ASH1L: variants seen among roughly 807,000 people sequenced by gnomAD.
ASH1L encodes the protein histone-lysine N-methyltransferase ASH1L.
In ASH1L, 23 loss-of-function variants were observed where a neutral mutation model predicts 269.0. The ratio of observed to expected loss-of-function variants is 0.09; its 90% CI spans 0.06 to 0.12. The LOEUF is 0.12. Among genes scored for constraint, ASH1L ranks in the 10% least tolerant of loss-of-function variants. ASH1L has a pLI of 1.00. For synonymous variants in ASH1L, 1,187 were observed against 1,253.5 expected (o/e 0.95, Z 1.12); for missense variants, 2,912 against 3,567.8 (o/e 0.82, Z 4.68).
intron 4 of ASH1L, among the ~76,000 whole-genome samples, chr1:155,450,633 G>C: frequency 6.6e-6 from 1 of 152,178 alleles, no homozygotes; most frequent in East Asian, 1.9e-4. Context: ...GTGGAAAACA[G>C]TAGGACAATC....
chr1:155,352,963 AT>A, intron 16 of ASH1L, 105 bp from the exon 17 acceptor site: 1 of 1,023,048 alleles, frequency 9.8e-7, no homozygotes, highest in Non-Finnish European at 1.4e-6. Context: ...CCCTGAAGTG[AT>A]TAGGTAGATT....
intron 7 of ASH1L, among the ~76,000 whole-genome samples, chr1:155,391,053 G>A (rs1270044114): frequency 2.0e-5 from 3 of 147,384 alleles, no homozygotes; most frequent in African/African-American, 7.5e-5. Flanking sequence ...TCAAGCGATT[G>A]TCCTGCCTCA....
intron 2 of ASH1L, among the ~76,000 whole-genome samples, chr1:155,491,187 T>C (rs1369855294): frequency 6.6e-6 from 1 of 152,188 alleles, no homozygotes; most frequent in Non-Finnish European, 1.5e-5. Flanking sequence ...CTTAATATAA[T>C]ACTTCTTTCT....
At chr1:155,356,150 T>C (rs1654368764) in intron 15 of ASH1L, among the ~76,000 whole-genome samples, 1 of 151,918 alleles carries the variant, frequency 6.6e-6, no homozygotes, top group Admixed American at 6.6e-5. Flanking sequence ...TTGGCCAGGC[T>C]GGCCTCAAAC....
intron 1 of ASH1L, among the ~76,000 whole-genome samples, chr1:155,540,622 A>G (rs1419291889): frequency 2.0e-5 from 3 of 152,164 alleles, no homozygotes; most frequent in Admixed American, 1.3e-4. Flanking sequence ...TGCAAAAATT[A>G]GCTGGATATG....
At chr1:155,439,204 A>T in intron 4 of ASH1L, 136 bp from the exon 5 acceptor site, 1 of 954,490 alleles carries the variant, frequency 1.0e-6, no homozygotes, top group Non-Finnish European at 1.5e-6. Context: ...TTGATGGTTT[A>T]CTTTCCTGAA....
chr1:155,539,507 A>T (rs1344586755), intron 1 of ASH1L, among the ~76,000 whole-genome samples: 1 of 151,836 alleles, frequency 6.6e-6, no homozygotes, highest in Non-Finnish European at 1.5e-5. Context: ...CCCAGGCTGG[A>T]GAGCAGTGGC....
chr1:155,428,524 C>T (rs997554073), intron 5 of ASH1L, among the ~76,000 whole-genome samples: 1 of 151,976 alleles, frequency 6.6e-6, no homozygotes, highest in Non-Finnish European at 1.5e-5. Flanking sequence ...TGGCCATAAA[C>T]AAAATCTCTT....
chr1:155,438,339 T>C lies in ASH1L; in HGVS notation c.5816A>G (p.Glu1939Gly), dbSNP rs748103249. 1 of 1,560,274 alleles carries C rather than the reference T, an allele frequency of 6.4e-7. No individual in the cohort carries two copies. Among genetic ancestry groups the C allele is most frequent in the Non-Finnish European group, 8.6e-7 (1 of 1,158,170 alleles). ...QKPLPEEEEQ[E>G]NNKSFNEAPV... ...AATGAGGAATTACCTTTTATTATTC[T>C]CTTGCTCTTCTTCCTCTGGTAATGG... The change falls in exon 5 of 28, where the codon GAG becomes GGG. Residue 1939 changes from glutamate to glycine, a missense_variant. By Grantham distance (98) the Glu-to-Gly change is moderately conservative. Transcript: ENST00000392403.
At chr1:155,448,478 G>T (rs1571241311) in intron 4 of ASH1L, among the ~76,000 whole-genome samples, 2 of 152,016 alleles carry the variant, frequency 1.3e-5, no homozygotes, top group East Asian at 3.9e-4. Flanking sequence ...AGGCACAGGG[G>T]TGCCACACCA....
intron 21 of ASH1L, chr1:155,344,679 T>C (rs1293680375): frequency 6.2e-6 from 1 of 160,750 alleles, no homozygotes; most frequent in African/African-American, 2.4e-5. Context: ...AGCAACATTG[T>C]TAAGAAATAC....
At chr1:155,398,140 CAT>C (rs1319231278) in intron 6 of ASH1L, among the ~76,000 whole-genome samples, 1 of 152,112 alleles carries the variant, frequency 6.6e-6, no homozygotes, top group Admixed American at 6.6e-5. Flanking sequence ...AGGACTATAA[CAT>C]AGATGTACTT....
intron 10 of ASH1L, among the ~76,000 whole-genome samples, chr1:155,373,499 T>C (rs1311561264): frequency 2.0e-5 from 3 of 152,126 alleles, no homozygotes; most frequent in African/African-American, 7.2e-5. Context: ...GCTGCTATGT[T>C]GCTTAGGCTG....
rs1652251587 is a variant in ASH1L at position 155,335,685 on chromosome 1, TTA to T, written c.*1973_*1974del. 1 of 152,758 alleles carries T rather than the reference TTA, an allele frequency of 6.5e-6. No individual in the cohort carries two copies. Among genetic ancestry groups the T allele is most frequent in the Non-Finnish European group, 1.5e-5 (1 of 68,034 alleles). The allele number at this position is 152,758 out of a possible 1,614,324, so 9.5% of individuals were successfully genotyped here. On this transcript the variant is annotated 3_prime_UTR_variant, in exon 28 of 28. Coordinates refer to ENST00000392403, the MANE Select transcript of ASH1L (RefSeq NM_018489.3). ...GTCTAAAAAACATTTCAGTTTTTTT[TTA>T]GTCTTTCAACAAAAGAAAGATAAAA...
At chr1:155,375,217 T>G (rs1046820995) in intron 10 of ASH1L, among the ~76,000 whole-genome samples, 2 of 152,194 alleles carry the variant, frequency 1.3e-5, no homozygotes, top group African/African-American at 2.4e-5. Context: ...ATAAGAGAGA[T>G]TTAAATTTTA....
chr1:155,426,490 C>T (rs190454353), intron 5 of ASH1L, among the ~76,000 whole-genome samples: 7 of 152,176 alleles, frequency 4.6e-5, no homozygotes, highest in Non-Finnish European at 4.4e-5. Flanking sequence ...CGTGAGACAC[C>T]GCGCCTGGCC....
At chr1:155,339,213 T>C in intron 26 of ASH1L, 115 bp downstream of exon 26, 1 of 928,024 alleles carries the variant, frequency 1.1e-6, no homozygotes, top group Non-Finnish European at 1.7e-6. Context: ...TGGGCTACTC[T>C]GCAGAGAATA....
chr1:155,445,038 T>C (rs1252052669), intron 4 of ASH1L, among the ~76,000 whole-genome samples: 2 of 152,138 alleles, frequency 1.3e-5, no homozygotes, highest in Non-Finnish European at 2.9e-5. Flanking sequence ...CGAAATTTCA[T>C]AGGGGTATAT....
intron 12 of ASH1L, among the ~76,000 whole-genome samples, chr1:155,362,573 T>G (rs922315383): frequency 6.6e-6 from 1 of 152,112 alleles, no homozygotes; most frequent in Non-Finnish European, 1.5e-5. Flanking sequence ...AGGGAGCCAC[T>G]TGCCCAAAGT....
Sources: allele counts gnomAD v4.1 joint callset (sites outside exome capture counted in the v4.1 genomes callset), GRCh38; gene constraint gnomAD v4.1.1; transcripts MANE v1.5; gene names NCBI Gene and HGNC (gene_info 2026-07-23, HGNC 2026-07-21).